KIAA0825: variants seen among roughly 807,000 people sequenced by gnomAD.
KIAA0825 encodes KIAA0825.
Under a neutral mutation model 147.6 loss-of-function variants are expected in KIAA0825, and 119 were observed. The ratio of observed to expected loss-of-function variants is 0.81; its 90% CI spans 0.69 to 0.94. The LOEUF (loss-of-function observed/expected upper bound fraction) is 0.94, where lower values mean the gene tolerates loss of function less well. Among genes scored for constraint, KIAA0825 ranks in the 40% least tolerant of loss-of-function variants. The pLI is 0.00. For missense variants in KIAA0825, 1,381 were observed against 1,472.7 expected, an observed-to-expected ratio of 0.94 and a Z score of 1.02; for synonymous variants, 470 against 518.1, an observed-to-expected ratio of 0.91 and a Z score of 1.26.
At chr5:94,193,123 G>A (rs1449267773) in intron 20 of KIAA0825, among the ~76,000 whole-genome samples, 1 of 152,146 alleles carries the variant, frequency 6.6e-6, no homozygotes, top group Non-Finnish European at 1.5e-5. Flanking sequence ...AATCTGAGCA[G>A]CTTAGCTAGG....
intron 7 of KIAA0825, among the ~76,000 whole-genome samples, chr5:94,475,161 G>A (rs1246969221): frequency 6.6e-6 from 1 of 151,976 alleles, no homozygotes; most frequent in Non-Finnish European, 1.5e-5. Flanking sequence ...AAGAGAACTT[G>A]GAAGTGGCAT....
At chr5:94,271,008 G>T (rs2150142631) in intron 20 of KIAA0825, among the ~76,000 whole-genome samples, 1 of 152,124 alleles carries the variant, frequency 6.6e-6, no homozygotes, top group Non-Finnish European at 1.5e-5. Context: ...GAAGAAAAAT[G>T]TATTTTTTTA....
chr5:94,315,810 G>A (rs981863168), intron 20 of KIAA0825, among the ~76,000 whole-genome samples: 10 of 151,666 alleles, frequency 6.6e-5, no homozygotes, highest in African/African-American at 2.4e-4. Flanking sequence ...ATTACAAAGA[G>A]GGCTACTAGA....
intron 20 of KIAA0825, among the ~76,000 whole-genome samples, chr5:94,162,191 A>G (rs143896866): frequency 6.6e-6 from 1 of 152,330 alleles, no homozygotes; most frequent in Admixed American, 6.5e-5. Flanking sequence ...AGAGATATAA[A>G]TGATAAGGAT....
intron 20 of KIAA0825, among the ~76,000 whole-genome samples, chr5:94,240,865 C>T (rs1775309223): frequency 6.6e-6 from 1 of 152,090 alleles, no homozygotes; most frequent in African/African-American, 2.4e-5. Flanking sequence ...GTTCCATTGC[C>T]GAAATTCCTT....
chr5:94,516,066 A>G (rs1195342459), intron 5 of KIAA0825, among the ~76,000 whole-genome samples: 3 of 152,224 alleles, frequency 2.0e-5, no homozygotes, highest in Non-Finnish European at 4.4e-5. Context: ...AAGAAACAAA[A>G]CATTCAAAAC....
intron 15 of KIAA0825, among the ~76,000 whole-genome samples, chr5:94,406,698 C>A (rs1752111859): frequency 6.6e-6 from 1 of 152,184 alleles, no homozygotes. Context: ...AAACAGTGAG[C>A]TTTGTGGCAT....
chr5:94,522,343 A>C (rs1768376253), intron 4 of KIAA0825, among the ~76,000 whole-genome samples: 1 of 151,694 alleles, frequency 6.6e-6, no homozygotes, highest in African/African-American at 2.4e-5. Context: ...TTTCTGGAAA[A>C]GAAATTGTCC....
chr5:94,545,318 G>A (rs1428498426), intron 2 of KIAA0825, among the ~76,000 whole-genome samples: 3 of 152,178 alleles, frequency 2.0e-5, no homozygotes, highest in Non-Finnish European at 4.4e-5. Context: ...CCCTTGTGCT[G>A]TGCTGGGCTT....
chr5:94,569,695 C>A (rs1293169285), intron 2 of KIAA0825: 1 of 329,148 alleles, frequency 3.0e-6, no homozygotes, highest in South Asian at 1.5e-4. Flanking sequence ...TATTCCTAGC[C>A]ATACACTAAT....
At chr5:94,414,117 A>G (rs1378894552) in intron 15 of KIAA0825, 1 of 152,164 alleles carries the variant, frequency 6.6e-6, no homozygotes, top group Non-Finnish European at 1.5e-5. Flanking sequence ...TTGAATCTCA[A>G]CCCTTAATTT....
At position 94,520,821 on chromosome 5, in the gene KIAA0825, G is replaced by A. The variant is rs777791882; in HGVS notation, c.397C>T (p.Leu133=). 8.1e-6 allele frequency: 13 copies of A among 1,613,034 alleles called. No individual in the cohort carries two copies. In the Admixed American group the frequency reaches 2.2e-4, roughly 27 times the overall value. ...AGGAAATGGAAAGATGTTCCACTTAGGGTTGATGGGAATGAAACGCTGCTG... is the reference window on the plus strand; with the variant it reads ...AGGAAATGGAAAGATGTTCCACTTAAGGTTGATGGGAATGAAACGCTGCTG... The part of the protein sequence containing the change: ...CHSSVSFPST[L]SGTSFHFLSR... The change falls in exon 5 of 21, where the codon CTA becomes TTA. Residue 133 remains leucine (L), a synonymous_variant. Coordinates refer to ENST00000682413, the MANE Select transcript of KIAA0825 (RefSeq NM_001145678.3).
rs1050316903 is a variant in KIAA0825 at position 94,320,545 on chromosome 5, C to G, written c.3710+63823G>C. ...CCAGCTTCTGGTATGTTATTCTACT[C>G]TACGCCTCCTTGACATCAACATTAT... On this transcript the variant is annotated intron_variant, in intron 20 of 20. Coordinates refer to ENST00000682413, the MANE Select transcript of KIAA0825 (RefSeq NM_001145678.3). Among the ~76,000 whole-genome samples, 6 of 151,820 alleles carry G rather than the reference C, an allele frequency of 4.0e-5. No homozygotes were observed. In the South Asian group the frequency reaches 8.3e-4, roughly 21 times the overall value.
intron 14 of KIAA0825, among the ~76,000 whole-genome samples, chr5:94,422,082 T>A (rs575356021): frequency 7.2e-6 from 1 of 139,538 alleles, no homozygotes; most frequent in South Asian, 2.3e-4. Flanking sequence ...TTTAAGTTAG[T>A]CCTGATCTGG....
chr5:94,566,850 T>G (rs1778803613), intron 2 of KIAA0825, among the ~76,000 whole-genome samples: 1 of 152,190 alleles, frequency 6.6e-6, no homozygotes. Flanking sequence ...AGTAATGAAA[T>G]ACATAAATAT....
chr5:94,263,728 G>C (rs1429183954), intron 20 of KIAA0825, among the ~76,000 whole-genome samples: 1 of 150,888 alleles, frequency 6.6e-6, no homozygotes, highest in East Asian at 1.9e-4. Context: ...TTTCCAAATT[G>C]CTCTCTTTTT....
intron 20 of KIAA0825, among the ~76,000 whole-genome samples, chr5:94,373,777 C>G (rs1051227907): frequency 6.6e-6 from 1 of 152,130 alleles, no homozygotes; most frequent in Non-Finnish European, 1.5e-5. Context: ...AAGAATATTA[C>G]TAGTTGTCAC....
At chr5:94,214,703 A>C (rs1773048488) in intron 20 of KIAA0825, among the ~76,000 whole-genome samples, 1 of 152,146 alleles carries the variant, frequency 6.6e-6, no homozygotes, top group African/African-American at 2.4e-5. Context: ...AGCATTTTAG[A>C]AGTTAAAATG....
intron 20 of KIAA0825, among the ~76,000 whole-genome samples, chr5:94,341,001 G>A (rs980349538): frequency 4.6e-5 from 7 of 152,140 alleles, no homozygotes; most frequent in African/African-American, 1.7e-4. Flanking sequence ...ATGGGTCCCT[G>A]ATGATTTTAG....
Sources: gnomAD v4.1 joint callset for allele counts (sites outside exome capture counted in the v4.1 genomes callset) on GRCh38, gnomAD v4.1.1 for gene constraint, MANE v1.5 for transcripts, NCBI Gene and HGNC (gene_info 2026-07-23, HGNC 2026-07-21) for gene names.